NBAS: variants seen among roughly 807,000 people sequenced by gnomAD.
NBAS encodes the protein NAG/BC035112 fusion.
A neutral mutation model predicts 302.5 loss-of-function variants in NBAS; 219 were observed. That is an observed-to-expected ratio of 0.72 (90% CI 0.65 to 0.81). The LOEUF (loss-of-function observed/expected upper bound fraction) is 0.81, where lower values mean the gene tolerates loss of function less well. Ranked by LOEUF, NBAS falls within the 30% of genes least tolerant of loss-of-function variation. NBAS has a pLI of 0.00. For synonymous variants in NBAS, 1,118 were observed against 1,021.6 expected (o/e 1.09, Z -1.80); for missense variants, 2,932 against 2,841.6 (o/e 1.03, Z -0.72).
At position 15,467,670 on chromosome 2, in the gene NBAS, A is replaced by C. The variant is rs143212851; in HGVS notation, c.2012T>G (p.Phe671Cys). ...KRQELLKLVNFSKLTLEQKEL... is the reference protein window; with the variant it reads ...KRQELLKLVNCSKLTLEQKEL... ...ACAGTAACAACTCATTTACTTGGAA[A>C]AGTTCACTAATTTCAGTAGTTCTTG... The change falls in exon 18 of 52, where the codon TTT becomes TGT. Residue 671 changes from phenylalanine to cysteine, a missense_variant. Phe to Cys is a radical substitution (Grantham distance 205). Transcript: ENST00000281513. The C allele has an allele frequency of 1.6e-4, 253 of 1,612,042 alleles. No individual in the cohort carries two copies. The highest frequency in any genetic ancestry group is 4.9e-4 in the Middle Eastern group (3 of 6,070).
At chr2:15,047,950 G>C in the NBAS span, among the ~76,000 whole-genome samples, 1 of 152,258 alleles carries the variant, frequency 6.6e-6, no homozygotes, top group Non-Finnish European at 1.5e-5. Flanking sequence ...TTCATCGGTT[G>C]CTTTGGCTGG....
At chr2:15,109,944 C>T in the NBAS span, among the ~76,000 whole-genome samples, 1 of 152,038 alleles carries the variant, frequency 6.6e-6, no homozygotes, top group East Asian at 1.9e-4. Flanking sequence ...ATTGTCCATT[C>T]TCAAAATATA....
At chr2:15,032,595 G>A in the NBAS span, among the ~76,000 whole-genome samples, 1 of 152,158 alleles carries the variant, frequency 6.6e-6, no homozygotes, top group Non-Finnish European at 1.5e-5. Flanking sequence ...TATTAAGCAA[G>A]AAGGAACTAG....
At chr2:15,234,876 T>C (rs1667526114) in intron 45 of NBAS, 129 bp from the exon 46 acceptor site, 1 of 939,314 alleles carries the variant, frequency 1.1e-6, no homozygotes, top group East Asian at 2.6e-5. Flanking sequence ...CCAAAGGGCA[T>C]GTATTAGTTA....
At chr2:15,063,845 A>G in the NBAS span, among the ~76,000 whole-genome samples, 1 of 152,310 alleles carries the variant, frequency 6.6e-6, no homozygotes, top group Non-Finnish European at 1.5e-5. Context: ...ACCCTCCAGA[A>G]TCATGAGAAA....
intron 47 of NBAS, among the ~76,000 whole-genome samples, chr2:15,224,818 C>G (rs910523176): frequency 1.3e-5 from 2 of 152,130 alleles, no homozygotes; most frequent in Non-Finnish European, 1.5e-5. Flanking sequence ...ATGTAGGTCC[C>G]GTGCCTCCAT....
chr2:15,549,864 T>G (rs1664295361), intron 6 of NBAS, among the ~76,000 whole-genome samples: 1 of 151,912 alleles, frequency 6.6e-6, no homozygotes, highest in Non-Finnish European at 1.5e-5. Flanking sequence ...GTTATCTCTC[T>G]CTCAAAGGCT....
chr2:15,073,778 A>AC, the NBAS span, among the ~76,000 whole-genome samples: 32 of 152,316 alleles, frequency 2.1e-4, no homozygotes, highest in African/African-American at 6.3e-4. Flanking sequence ...AGAGTCATCC[A>AC]TTTGATGCAG....
chr2:15,096,241 C>T, the NBAS span, among the ~76,000 whole-genome samples: 1 of 152,212 alleles, frequency 6.6e-6, no homozygotes. Context: ...TCAAGACCAG[C>T]TGGCTGGCCC....
the NBAS span, among the ~76,000 whole-genome samples, chr2:14,933,454 G>A: frequency 6.6e-6 from 1 of 152,154 alleles, no homozygotes; most frequent in African/African-American, 2.4e-5. Context: ...ATGTTCTGGG[G>A]CAACAAGGTA....
intron 48 of NBAS, among the ~76,000 whole-genome samples, chr2:15,215,747 TA>T (rs1379718847): frequency 2.2e-4 from 33 of 152,126 alleles, no homozygotes; most frequent in Admixed American, 2.2e-3. Context: ...CTATCTCCTC[TA>T]GTTGAAGCTT....
intron 28 of NBAS, among the ~76,000 whole-genome samples, chr2:15,387,670 T>G (rs1371510065): frequency 6.6e-6 from 1 of 151,780 alleles, no homozygotes; most frequent in Non-Finnish European, 1.5e-5. Flanking sequence ...CTTACTCTGT[T>G]GCCCAGGCTG....
chr2:15,016,523 A>T, the NBAS span, among the ~76,000 whole-genome samples: 1 of 152,218 alleles, frequency 6.6e-6, no homozygotes, highest in Non-Finnish European at 1.5e-5. Flanking sequence ...GGAAGAATTA[A>T]TATTGTTAAA....
At chr2:15,001,749 T>C in the NBAS span, among the ~76,000 whole-genome samples, 1 of 152,130 alleles carries the variant, frequency 6.6e-6, no homozygotes, top group Non-Finnish European at 1.5e-5. Flanking sequence ...TGTTCGGATG[T>C]GTTCGGAGTT....
In NBAS at chr2:15,468,442, C is replaced by T; in HGVS notation, c.1817G>A (p.Gly606Glu). The change falls in exon 17 of 52, where the codon GGA (glycine) becomes GAA (glutamate). Residue 606 changes from glycine to glutamate, a missense_variant. Gly to Glu is a moderately conservative substitution (Grantham distance 98). Transcript: ENST00000281513. ...VDAAKELLQY[G>E]LKGTDLEALL... ...AGCCTCCAGGTCTGTGCCTTTTAAT[C>T]CATACTGAAGCAGTTCTTTTGCAGC... 1.2e-6 allele frequency: 2 copies of T among 1,614,094 alleles called. No homozygotes were observed. The highest frequency in any genetic ancestry group is 1.7e-6 in the Non-Finnish European group (2 of 1,179,976).
chr2:15,401,988 T>C (rs987814363), intron 26 of NBAS, among the ~76,000 whole-genome samples, 180 bp downstream of exon 26: 1 of 152,168 alleles, frequency 6.6e-6, no homozygotes, highest in African/African-American at 2.4e-5. Context: ...ACTTCCCATA[T>C]ATTGGTAGGA....
chr2:15,486,800 G>A (rs1680646861), intron 12 of NBAS, among the ~76,000 whole-genome samples: 1 of 151,188 alleles, frequency 6.6e-6, no homozygotes, highest in South Asian at 2.1e-4. Flanking sequence ...TGAGTAAAGA[G>A]TAATGCATTA....
the NBAS span, among the ~76,000 whole-genome samples, chr2:14,796,919 C>CAAAAAAAAAA: frequency 6.4e-4 from 55 of 86,400 alleles, no homozygotes; most frequent in Middle Eastern, 8.3e-3. Context: ...CTAAAAAATA[C>CAAAAAAAAAA]AAAAAAAAAA....
At chr2:15,218,723 C>A (rs776322902) in intron 48 of NBAS, 50 bp downstream of exon 48, 3 of 1,611,604 alleles carry the variant, frequency 1.9e-6, no homozygotes, top group African/African-American at 2.7e-5. Context: ...CAACCGCGTC[C>A]GGCCTAATTA....
Sources: allele counts gnomAD v4.1 joint callset (sites outside exome capture counted in the v4.1 genomes callset), GRCh38; gene constraint gnomAD v4.1.1; transcripts MANE v1.5; gene names NCBI Gene and HGNC (gene_info 2026-07-23, HGNC 2026-07-21).